The following BCR variants were observed in gnomAD, a reference collection of about 807,000 sequenced individuals.
BCR encodes BCR activator of RhoGEF and GTPase.
Under a neutral mutation model 138.6 loss-of-function variants are expected in BCR, and 58 were observed. The observed-to-expected ratio is 0.42, with a 90% CI of 0.34 to 0.52. The LOEUF (loss-of-function observed/expected upper bound fraction) is 0.52, where lower values mean the gene tolerates loss of function less well. Among genes scored for constraint, BCR ranks in the 20% least tolerant of loss-of-function variants. The pLI, the probability that BCR is intolerant of heterozygous loss-of-function variation, is 0.06. For missense variants in BCR, 1,599 were observed against 1,727.2 expected (o/e 0.93, Z 1.32); for synonymous variants, 786 against 730.1 (o/e 1.08, Z -1.23).
intron 1 of BCR, among the ~76,000 whole-genome samples, chr22:23,208,633 A>G (rs1270881233): frequency 6.6e-6 from 1 of 151,850 alleles, no homozygotes; most frequent in East Asian, 2.0e-4. Context: ...CGGGCAGACC[A>G]CCTGAAGTCA....
intron 1 of BCR, among the ~76,000 whole-genome samples, chr22:23,241,866 G>C (rs2073096574): frequency 6.6e-6 from 1 of 152,034 alleles, no homozygotes; most frequent in South Asian, 2.1e-4. Flanking sequence ...TCCAGACCCA[G>C]ACATCTCCTA....
chr22:23,284,099 G>T lies in BCR; in HGVS notation c.2237+1G>T. The T allele has an allele frequency of 6.2e-7, 1 of 1,612,536 alleles. No individual in the cohort carries two copies. Among genetic ancestry groups the T allele is most frequent in the Non-Finnish European group, 8.5e-7 (1 of 1,179,552 alleles). On this transcript the variant is annotated splice_donor_variant, in intron 9 of 22. Transcript: ENST00000305877. LOFTEE classifies it high-confidence loss of function. ...CCAAGCTCAAGAAGCAGAGCGGAGG[G>T]TGAGTGACGATGTGGCCCCTGTCCC...
Position 23,313,949 on chromosome 22 carries a change from A to C in BCR, c.3458-19A>C. On this transcript the variant is annotated intron_variant, in intron 20 of 22. Coordinates refer to ENST00000305877, the MANE Select transcript of BCR (RefSeq NM_004327.4). ...CTGGCTCGTTGTGACCCCAAGGAGT[A>C]ACCCACCGCCTTCTGCAGCTCTTTC... 3 of 1,606,340 alleles carry C rather than the reference A, an allele frequency of 1.9e-6. No homozygotes were observed. Among genetic ancestry groups the C allele is most frequent in the Non-Finnish European group, 2.6e-6 (3 of 1,173,756 alleles).
chr22:23,281,759 T>A (rs2073648350), intron 8 of BCR, among the ~76,000 whole-genome samples: 3 of 152,210 alleles, frequency 2.0e-5, no homozygotes, highest in Admixed American at 2.0e-4. Context: ...CTCCCGGGCC[T>A]GCAGCCCGCA....
chr22:23,236,513 G>C (rs927378407), intron 1 of BCR, among the ~76,000 whole-genome samples: 8 of 152,214 alleles, frequency 5.3e-5, no homozygotes, highest in African/African-American at 1.9e-4. Context: ...CAAGAGGAGA[G>C]CATGGCTCAG....
At chr22:23,185,681 A>G (rs1427826749) in intron 1 of BCR, among the ~76,000 whole-genome samples, 1 of 149,406 alleles carries the variant, frequency 6.7e-6, no homozygotes, top group East Asian at 2.0e-4. Context: ...ACAAACAAAA[A>G]ACTATGCGGA....
intron 1 of BCR, among the ~76,000 whole-genome samples, chr22:23,200,356 G>T (rs931696854): frequency 2.0e-5 from 3 of 152,012 alleles, no homozygotes; most frequent in Admixed American, 6.6e-5. Context: ...TTACTCCGCT[G>T]CCCAGGCTGG....
intron 1 of BCR, among the ~76,000 whole-genome samples, chr22:23,206,806 T>C (rs577985644): frequency 1.3e-4 from 19 of 149,214 alleles, no homozygotes; most frequent in South Asian, 1.0e-3. Context: ...CTATTCATCA[T>C]CAATCCAAGA....
intron 2 of BCR, among the ~76,000 whole-genome samples, chr22:23,256,218 G>A (rs1421678778): frequency 6.6e-6 from 1 of 152,184 alleles, no homozygotes; most frequent in Admixed American, 6.5e-5. Flanking sequence ...TGGGAAATGG[G>A]CATCAGGCTG....
At chr22:23,220,940 C>T (rs1157145382) in intron 1 of BCR, among the ~76,000 whole-genome samples, 1 of 152,142 alleles carries the variant, frequency 6.6e-6, no homozygotes, top group Non-Finnish European at 1.5e-5. Context: ...GTTGCTCTCA[C>T]GTCGTTGCCT....
chr22:23,263,384 C>A, intron 4 of BCR: 1 of 1,252,462 alleles, frequency 8.0e-7, no homozygotes, highest in Non-Finnish European at 1.2e-6. Flanking sequence ...GGCTCGGCAC[C>A]AACCTGATGA....
intron 1 of BCR, among the ~76,000 whole-genome samples, chr22:23,196,198 C>G (rs1169966176): frequency 6.6e-6 from 1 of 152,174 alleles, no homozygotes; most frequent in Non-Finnish European, 1.5e-5. Context: ...TGGGAAAACA[C>G]TGATCTTCAG....
Position 23,236,033 on chromosome 22 carries a change from A to C in BCR, c.1280-17766A>C, listed in dbSNP as rs112857883. ...AGGGGCATCTCAGAGTGCCACCCCC[A>C]CATCTCCAAAGCTGCTGGACCTTGC... On this transcript the variant is annotated intron_variant, in intron 1 of 22. Coordinates refer to ENST00000305877, the MANE Select transcript of BCR (RefSeq NM_004327.4). 6.1e-3 allele frequency among the ~76,000 whole-genome samples: 927 copies of C among 152,284 alleles called. 6 individuals carry two copies. Among genetic ancestry groups the C allele is most frequent in the African/African-American group, 0.021 (866 of 41,530 alleles).
intron 1 of BCR, among the ~76,000 whole-genome samples, chr22:23,195,420 CAAAAAAAA>C (rs529306820): frequency 1.1e-5 from 1 of 92,296 alleles, no homozygotes; most frequent in Non-Finnish European, 2.2e-5. Context: ...AACTCCGTCT[CAAAAAAAA>C]AAAAAAAAAA....
intron 2 of BCR, among the ~76,000 whole-genome samples, chr22:23,259,605 C>T (rs760136755): frequency 3.9e-5 from 6 of 152,074 alleles, no homozygotes; most frequent in Non-Finnish European, 5.9e-5. Context: ...CAACCTCCCC[C>T]TCCTGTGTTC....
At chr22:23,291,534 T>TGCATCTCC (rs2073787110) in intron 14 of BCR, among the ~76,000 whole-genome samples, 1 of 152,076 alleles carries the variant, frequency 6.6e-6, no homozygotes, top group South Asian at 2.1e-4. Flanking sequence ...CCTGCATCCC[T>TGCATCTCC]GCATCTCCTC....
chr22:23,287,019 GC>G (rs2073721881), intron 10 of BCR, 139 bp from the exon 11 acceptor site: 1 of 1,430,790 alleles, frequency 7.0e-7, no homozygotes, highest in African/African-American at 1.4e-5. Context: ...GCGGTCTGGG[GC>G]CCTGGTCTGT....
chr22:23,204,561 T>A (rs1246935543), intron 1 of BCR, among the ~76,000 whole-genome samples: 3 of 152,206 alleles, frequency 2.0e-5, no homozygotes, highest in Non-Finnish European at 4.4e-5. Context: ...TCCTGTAGGA[T>A]CCTGGTTGTG....
chr22:23,280,841 G>A (rs2146296437), intron 8 of BCR, among the ~76,000 whole-genome samples: 1 of 152,308 alleles, frequency 6.6e-6, no homozygotes, highest in South Asian at 2.1e-4. Flanking sequence ...TGCCAACTGG[G>A]GCCTGCTGTC....
Sources: allele counts gnomAD v4.1 joint callset (sites outside exome capture counted in the v4.1 genomes callset), GRCh38; gene constraint gnomAD v4.1.1; transcripts MANE v1.5; gene names NCBI Gene and HGNC (gene_info 2026-07-23, HGNC 2026-07-21).